The following KLHDC4 variants were observed in gnomAD, a reference collection of about 807,000 sequenced individuals.
KLHDC4 encodes kelch domain containing 4, also known as kelch domain-containing protein 4.
KLHDC4 carries 90 observed loss-of-function variants against 62.4 expected under a neutral mutation model. The observed-to-expected ratio is 1.44, with a 90% CI of 1.22 to 1.72. The LOEUF (loss-of-function observed/expected upper bound fraction) is 1.72. Ranked by LOEUF, KLHDC4 falls within the 40% of genes most tolerant of loss-of-function variation. KLHDC4 has a pLI of 0.00. For synonymous variants in KLHDC4, 386 were observed against 284.4 expected, an observed-to-expected ratio of 1.36 and a Z score of -3.59; for missense variants, 1,025 against 699.7, an observed-to-expected ratio of 1.47 and a Z score of -5.25.
intron 4 of KLHDC4, among the ~76,000 whole-genome samples, chr16:87,751,355 A>T (rs2115396): frequency 0.7 from 106,509 of 151,890 alleles, 39,052 homozygotes; most frequent in African/African-American, 0.91. Context: ...GCGCCTGTAA[A>T]CCCAGCTACT....
At chr16:87,720,140 C>T (rs1167732989) in intron 7 of KLHDC4, among the ~76,000 whole-genome samples, 1 of 152,164 alleles carries the variant, frequency 6.6e-6, no homozygotes, top group Non-Finnish European at 1.5e-5. Context: ...CACACAGGGC[C>T]GCCCCAAGGA....
chr16:87,711,183 A>C, intron 9 of KLHDC4, 52 bp downstream of exon 9: 1 of 1,587,330 alleles, frequency 6.3e-7, no homozygotes, highest in South Asian at 1.1e-5. Flanking sequence ...GGTGGCAGGG[A>C]CCCAAGTTAG....
chr16:87,758,982 T>C (rs199652110), intron 2 of KLHDC4, among the ~76,000 whole-genome samples: 142 of 151,570 alleles, frequency 9.4e-4, no homozygotes, highest in East Asian at 6.3e-3. Flanking sequence ...TCGAGACCAG[T>C]CTGGCCAGCA....
intron 5 of KLHDC4, among the ~76,000 whole-genome samples, chr16:87,748,088 G>C (rs1035185433): frequency 6.6e-6 from 1 of 152,174 alleles, no homozygotes; most frequent in African/African-American, 2.4e-5. Flanking sequence ...ATGCCATCTG[G>C]CTCTCTACAC....
Position 87,761,974 on chromosome 16 carries a change from G to C in KLHDC4, c.166C>G (p.Leu56Val), listed in dbSNP as rs2303772. 165,795 of 1,613,546 alleles carry C rather than the reference G, an allele frequency of 0.1. 9,320 individuals are homozygous for C. Among genetic ancestry groups the C allele is most frequent in the African/African-American group, 0.11 (8,280 of 74,958 alleles). ...CTTGGTGAGGGTGGGGGGCACGGAA[G>C]TTCCACAGTCTGAGTCCTCTTGGCA... The part of the protein sequence containing the change: ...LDAKRTQTVE[L>V]PCPPPSPRLN... Residue 56 changes from leucine (L) to valine (V), a missense_variant, in exon 2 of 12, where the codon CTT becomes GTT. Leu to Val is a conservative substitution (Grantham distance 32). Transcript: ENST00000270583.
In KLHDC4 at chr16:87,708,639, G is replaced by T. The variant is rs1033765797; in HGVS notation, c.1448-173C>A. The T allele has an allele frequency of 3.4e-5, 15 of 440,164 alleles. No individual in the cohort carries two copies. The East Asian group carries it at 5.0e-4, about 15-fold the overall frequency. 27.3% of individuals were successfully genotyped at this position (440,164 alleles called of 1,614,324 possible). A position where few individuals can be genotyped will look rare whatever the true frequency, so the allele number is the denominator to read the frequency against. On this transcript the variant is annotated intron_variant, in intron 10 of 11. Coordinates refer to ENST00000270583, the MANE Select transcript of KLHDC4 (RefSeq NM_017566.4). ...CAGATCCACAAAGGAAACAGACTGC[G>T]TTCCCCTGGGCTTCAGGACAGAGAT...
chr16:87,752,268 A>G (rs1275145558), intron 4 of KLHDC4, among the ~76,000 whole-genome samples: 2 of 150,978 alleles, frequency 1.3e-5, no homozygotes, highest in Non-Finnish European at 3.0e-5. Flanking sequence ...AAAAAGACCA[A>G]AAAGAAAAAA....
At chr16:87,751,176 T>C (rs1260606069) in intron 4 of KLHDC4, among the ~76,000 whole-genome samples, 1 of 152,200 alleles carries the variant, frequency 6.6e-6, no homozygotes, top group Non-Finnish European at 1.5e-5. Flanking sequence ...GTGAAATAGA[T>C]GCATAGAAAT....
intron 5 of KLHDC4, among the ~76,000 whole-genome samples, chr16:87,734,071 C>T (rs1443534203): frequency 2.0e-5 from 3 of 152,190 alleles, no homozygotes; most frequent in Non-Finnish European, 4.4e-5. Context: ...GAGGGCCGGG[C>T]GCGGTGGCTC....
In KLHDC4 at chr16:87,756,489, A is replaced by T. The variant is rs775801462; in HGVS notation, c.192-12T>A. The T allele has an allele frequency of 6.2e-7, 1 of 1,609,276 alleles. No individual in the cohort carries two copies. The highest frequency in any genetic ancestry group is 1.3e-5 in the African/African-American group (1 of 74,786). ...GGGAGGCATTTAACCTACAAGACAC[A>T]CAAGCGGCAGGTCAGCAAGATCACC... On this transcript the variant is annotated splice_polypyrimidine_tract_variant and intron_variant, in intron 2 of 11. Transcript: ENST00000270583.
At chr16:87,720,277 G>C (rs374612285) in intron 7 of KLHDC4, among the ~76,000 whole-genome samples, 1 of 152,166 alleles carries the variant, frequency 6.6e-6, no homozygotes, top group African/African-American at 2.4e-5. Context: ...CAGTGCTAAC[G>C]GCAGCACTGA....
At chr16:87,714,473 C>T (rs752892197) in intron 8 of KLHDC4, 25 bp downstream of exon 8, 42 of 1,613,434 alleles carry the variant, frequency 2.6e-5, no homozygotes, top group South Asian at 1.5e-4. Context: ...AGCCAGCTCC[C>T]GCCCTGGAGG....
At chr16:87,699,466 G>A (rs554700621) in exon 1 of KLHDC4, 1 of 152,382 alleles carries the variant, frequency 6.6e-6, no homozygotes, top group South Asian at 2.1e-4. Context: ...GGCCAAGGCA[G>A]GTGGATCACC....
chr16:87,717,883 T>G (rs1032674464), intron 7 of KLHDC4, among the ~76,000 whole-genome samples: 15 of 152,212 alleles, frequency 9.9e-5, no homozygotes, highest in South Asian at 6.2e-4. Context: ...CAACATTGTC[T>G]TCTTAGAATT....
exon 1 of KLHDC4, chr16:87,698,590 C>G (rs1268344497): frequency 6.6e-6 from 1 of 152,376 alleles, no homozygotes; most frequent in East Asian, 1.9e-4. Flanking sequence ...AAAACCAAGG[C>G]GAGAACGGCC....
intron 6 of KLHDC4, 151 bp from the exon 7 acceptor site, chr16:87,727,075 A>C (rs532656762): frequency 2.1e-5 from 16 of 777,068 alleles, no homozygotes; most frequent in African/African-American, 6.6e-5. Context: ...CCAACACAAC[A>C]ATCAACACAG....
intron 5 of KLHDC4, among the ~76,000 whole-genome samples, chr16:87,736,017 C>T (rs2041247854): frequency 6.6e-6 from 1 of 152,234 alleles, no homozygotes; most frequent in African/African-American, 2.4e-5. Context: ...AGTGACTTTA[C>T]AGTCTACACC....
At chr16:87,708,298 C>T in intron 11 of KLHDC4, 52 bp downstream of exon 11, 1 of 1,195,908 alleles carries the variant, frequency 8.4e-7, no homozygotes, top group East Asian at 2.4e-5. Context: ...ACATGAAAAG[C>T]CTTTCACGAA....
chr16:87,731,720 G>C (rs111875689), intron 5 of KLHDC4, among the ~76,000 whole-genome samples: 3 of 152,304 alleles, frequency 2.0e-5, no homozygotes, highest in African/African-American at 4.8e-5. Context: ...GGACTCAAGA[G>C]AAAGGAAAAC....
Sources: gnomAD v4.1 joint callset for allele counts (sites outside exome capture counted in the v4.1 genomes callset) on GRCh38, gnomAD v4.1.1 for gene constraint, MANE v1.5 for transcripts, NCBI Gene and HGNC (gene_info 2026-07-23, HGNC 2026-07-21) for gene names.